Variants in IL1RAPL2 observed in about 807,000 individuals in gnomAD.
The protein encoded by IL1RAPL2 is X-linked interleukin-1 receptor accessory protein-like 2.
A neutral mutation model predicts 44.1 loss-of-function variants in IL1RAPL2; 3 were observed. The ratio of observed to expected loss-of-function variants is 0.07; its 90% CI spans 0.03 to 0.18. IL1RAPL2 has a LOEUF of 0.18. IL1RAPL2 is among the 10% of genes least tolerant of loss of function. The pLI, the probability that IL1RAPL2 is intolerant of heterozygous loss-of-function variation, is 1.00. For missense variants in IL1RAPL2, 391 were observed against 496.4 expected, an observed-to-expected ratio of 0.79 and a Z score of 2.02; for synonymous variants, 181 against 178.8, an observed-to-expected ratio of 1.01 and a Z score of -0.10.
intron 1 of IL1RAPL2, among the ~76,000 whole-genome samples, chrX:104,567,666 G>T (rs1928065414): frequency 8.9e-6 from 1 of 112,113 alleles, no homozygotes; most frequent in South Asian, 3.7e-4. Context: ...CCCTAGAGTG[G>T]GTTTCCCAGG....
At chrX:105,506,593 G>T (rs1205786829) in intron 6 of IL1RAPL2, among the ~76,000 whole-genome samples, 3 of 111,633 alleles carry the variant, frequency 2.7e-5, no homozygotes, top group Non-Finnish European at 3.8e-5. Context: ...GTAAAAGTGA[G>T]TCACAGTACC....
intron 2 of IL1RAPL2, among the ~76,000 whole-genome samples, chrX:104,956,000 A>G (rs1356133769): frequency 8.9e-6 from 1 of 112,315 alleles, no homozygotes; most frequent in Non-Finnish European, 1.9e-5. Context: ...GAAGTGTATA[A>G]CAAAGAGTGG....
At chrX:104,636,573 C>G (rs1342831391) in intron 1 of IL1RAPL2, among the ~76,000 whole-genome samples, 2 of 111,927 alleles carry the variant, frequency 1.8e-5, no homozygotes, top group East Asian at 5.7e-4. Context: ...TTGCTGCCAC[C>G]TTGCAGTTTG....
chrX:105,018,010 A>T (rs750790336), intron 2 of IL1RAPL2, among the ~76,000 whole-genome samples: 1 of 111,739 alleles, frequency 8.9e-6, no homozygotes, highest in Non-Finnish European at 1.9e-5. Context: ...CTTGACCAAA[A>T]GTGGTTCCCC....
At chrX:105,137,102 A>T (rs2033083354) in intron 2 of IL1RAPL2, among the ~76,000 whole-genome samples, 1 of 111,956 alleles carries the variant, frequency 8.9e-6, no homozygotes, top group South Asian at 3.8e-4. Context: ...AGAGGGCAGA[A>T]TACCAGATGT....
chrX:104,580,254 C>T (rs763042613), intron 1 of IL1RAPL2, among the ~76,000 whole-genome samples: 1 of 112,649 alleles, frequency 8.9e-6, no homozygotes, highest in South Asian at 3.7e-4. Flanking sequence ...TACTCACTGT[C>T]ATCCTTCTCC....
At position 105,212,793 on chromosome X, in the gene IL1RAPL2, T is replaced by G. The variant is rs782233038; in HGVS notation, c.356+17045T>G. 4.5e-5 allele frequency among the ~76,000 whole-genome samples: 5 copies of G among 112,130 alleles called. No homozygotes were observed. In the East Asian group the frequency reaches 1.1e-3, roughly 25 times the overall value. ...CTCCAGAGGAAGGAGCAGGCAGCAATTTTTGCTGTCCTGCAGCCTCCACTG... is the reference window on the plus strand; with the variant it reads ...CTCCAGAGGAAGGAGCAGGCAGCAAGTTTTGCTGTCCTGCAGCCTCCACTG... On this transcript the variant is annotated intron_variant, in intron 3 of 10. Transcript: ENST00000372582.
intron 5 of IL1RAPL2, among the ~76,000 whole-genome samples, chrX:105,277,386 A>G (rs1250959337): frequency 8.9e-6 from 1 of 112,028 alleles, no homozygotes; most frequent in African/African-American, 3.2e-5. Flanking sequence ...ACCAGCTTGC[A>G]GCAGTTTCTT....
At chrX:104,846,084 T>C (rs374134062) in intron 2 of IL1RAPL2, among the ~76,000 whole-genome samples, 6 of 111,891 alleles carry the variant, frequency 5.4e-5, no homozygotes, top group African/African-American at 2.0e-4. Context: ...CGATATCATT[T>C]TGTTAGGAGT....
intron 10 of IL1RAPL2, among the ~76,000 whole-genome samples, chrX:105,763,232 T>C (rs773476352): frequency 8.6e-4 from 96 of 111,840 alleles, no homozygotes; most frequent in African/African-American, 3.1e-3. Context: ...TTTAAAAATA[T>C]ATAAATCATT....
intron 5 of IL1RAPL2, among the ~76,000 whole-genome samples, chrX:105,362,968 C>A (rs2035258756): frequency 9.2e-6 from 1 of 109,237 alleles, no homozygotes; most frequent in African/African-American, 3.3e-5. Flanking sequence ...TCCAGTCTAA[C>A]AGAAACTTTG....
At chrX:104,586,802 T>A (rs985486930) in intron 1 of IL1RAPL2, among the ~76,000 whole-genome samples, 66 of 112,423 alleles carry the variant, frequency 5.9e-4, no homozygotes, top group African/African-American at 2.0e-3. Context: ...AGTCCAAGCT[T>A]TTTTCCTTTC....
intron 5 of IL1RAPL2, among the ~76,000 whole-genome samples, chrX:105,384,826 C>A (rs2035464341): frequency 9.0e-6 from 1 of 110,621 alleles, no homozygotes; most frequent in Admixed American, 9.7e-5. Flanking sequence ...TCTTTCACTT[C>A]TTTGGTTAAA....
intron 3 of IL1RAPL2, among the ~76,000 whole-genome samples, chrX:105,226,113 T>C (rs1370404448): frequency 2.7e-5 from 3 of 111,625 alleles, no homozygotes; most frequent in African/African-American, 9.8e-5. Context: ...TTGTAAGAAA[T>C]TTGTGTTTCT....
At chrX:105,664,530 G>A (rs1379907999) in intron 6 of IL1RAPL2, among the ~76,000 whole-genome samples, 1 of 111,644 alleles carries the variant, frequency 9.0e-6, no homozygotes, top group African/African-American at 3.3e-5. Flanking sequence ...TGCTTCCATC[G>A]ATGCTGAAGT....
chrX:105,273,355 C>T (rs936398712), intron 5 of IL1RAPL2, among the ~76,000 whole-genome samples: 11 of 111,187 alleles, frequency 9.9e-5, no homozygotes, highest in Admixed American at 9.6e-4. Flanking sequence ...GGAGGCTAGC[C>T]ATAGAAACTG....
intron 6 of IL1RAPL2, among the ~76,000 whole-genome samples, chrX:105,603,793 T>A (rs1019219297): frequency 1.8e-5 from 2 of 111,811 alleles, no homozygotes; most frequent in East Asian, 2.8e-4. Context: ...ACAAATTTTT[T>A]AAAATTGAAA....
intron 6 of IL1RAPL2, among the ~76,000 whole-genome samples, chrX:105,548,689 A>G: frequency 9.0e-6 from 1 of 111,538 alleles, no homozygotes; most frequent in Non-Finnish European, 1.9e-5. Context: ...CACCTGGATA[A>G]GTATCCACAC....
chrX:105,537,368 C>G (rs1304993960), intron 6 of IL1RAPL2, among the ~76,000 whole-genome samples: 2 of 111,539 alleles, frequency 1.8e-5, no homozygotes, highest in African/African-American at 6.5e-5. Context: ...TTCTGCTAAT[C>G]ACAGCTGACT....
Sources: allele counts gnomAD v4.1 joint callset (sites outside exome capture counted in the v4.1 genomes callset), GRCh38; gene constraint gnomAD v4.1.1; transcripts MANE v1.5; gene names NCBI Gene and HGNC (gene_info 2026-07-23, HGNC 2026-07-21).